Variants in INPP4B observed in about 807,000 individuals in gnomAD.
INPP4B encodes inositol polyphosphate 4-phosphatase type II.
Under a neutral mutation model 122.5 loss-of-function variants are expected in INPP4B, and 55 were observed. The observed-to-expected ratio is 0.45, with a 90% CI of 0.36 to 0.56. The LOEUF (loss-of-function observed/expected upper bound fraction) is 0.56, where lower values mean the gene tolerates loss of function less well. INPP4B is among the 20% of genes least tolerant of loss of function. The pLI, the probability that INPP4B is intolerant of heterozygous loss-of-function variation, is 0.00. For synonymous variants in INPP4B, 403 were observed against 388.7 expected (o/e 1.04, Z -0.43); for missense variants, 1,000 against 1,097.7 (o/e 0.91, Z 1.26).
At chr4:142,536,616 C>A (rs1828224163) in intron 2 of INPP4B, among the ~76,000 whole-genome samples, 1 of 152,092 alleles carries the variant, frequency 6.6e-6, no homozygotes, top group Admixed American at 6.6e-5. Flanking sequence ...TCTCTTCCTG[C>A]ACTTCACCAA....
chr4:142,490,767 C>T (rs930146997), intron 2 of INPP4B, among the ~76,000 whole-genome samples: 15 of 152,066 alleles, frequency 9.9e-5, no homozygotes, highest in Non-Finnish European at 1.9e-4. Flanking sequence ...GCTTTTATGA[C>T]TTTATAACTT....
intron 2 of INPP4B, among the ~76,000 whole-genome samples, chr4:142,523,745 G>T (rs868178996): frequency 1.9e-3 from 278 of 149,702 alleles, no homozygotes; most frequent in Middle Eastern, 6.8e-3. Context: ...CCACGCTGGT[G>T]CGCTGCACCC....
At chr4:142,642,655 G>T (rs1427660260) in intron 2 of INPP4B, among the ~76,000 whole-genome samples, 1 of 152,186 alleles carries the variant, frequency 6.6e-6, no homozygotes, top group East Asian at 1.9e-4. Context: ...GTACCATGCT[G>T]TTTTGGTTAC....
chr4:142,834,970 T>C (rs913258161), intron 1 of INPP4B, among the ~76,000 whole-genome samples: 2 of 152,238 alleles, frequency 1.3e-5, no homozygotes, highest in Non-Finnish European at 2.9e-5. Flanking sequence ...TCACCTGTTT[T>C]CATTTGTTGC....
At chr4:142,061,662 A>T (rs908832099) in intron 25 of INPP4B, among the ~76,000 whole-genome samples, 1 of 151,914 alleles carries the variant, frequency 6.6e-6, no homozygotes, top group South Asian at 2.1e-4. Flanking sequence ...GAATACACAT[A>T]TATCTCAGGA....
intron 2 of INPP4B, among the ~76,000 whole-genome samples, chr4:142,708,878 C>T (rs1232551106): frequency 6.6e-6 from 1 of 152,122 alleles, no homozygotes; most frequent in Non-Finnish European, 1.5e-5. Flanking sequence ...CTACCAACAG[C>T]TTGCACCGTG....
intron 2 of INPP4B, among the ~76,000 whole-genome samples, chr4:142,695,826 C>T (rs1373599882): frequency 6.6e-6 from 1 of 152,104 alleles, no homozygotes; most frequent in Non-Finnish European, 1.5e-5. Flanking sequence ...AAATATTTTA[C>T]CCCAAAATAT....
intron 2 of INPP4B, among the ~76,000 whole-genome samples, chr4:142,544,227 G>A (rs1436966605): frequency 2.6e-5 from 4 of 151,394 alleles, no homozygotes. Flanking sequence ...CCATGACTAA[G>A]AAGCAGAATA....
rs1809249740 is a variant in INPP4B, at chr4:142,431,313, T to C, written c.-54A>G. ...CAAATTTTCTTGTCCAAATGTCAGTTCTAGTGATTCCTGGTTTAATGTAGA... is the reference window on the plus strand; with the variant it reads ...CAAATTTTCTTGTCCAAATGTCAGTCCTAGTGATTCCTGGTTTAATGTAGA... On this transcript the variant is annotated 5_prime_UTR_variant, in exon 4 of 26. Transcript: ENST00000262992. 1.6e-6 allele frequency: 2 copies of C among 1,260,576 alleles called. No individual in the cohort carries two copies. Among genetic ancestry groups the C allele is most frequent in the Non-Finnish European group, 2.3e-6 (2 of 861,674 alleles). 78.1% of individuals were successfully genotyped at this position (1,260,576 alleles called of 1,614,324 possible).
chr4:142,765,911 GC>G (rs758289454), intron 1 of INPP4B: 9 of 151,092 alleles, frequency 6.0e-5, no homozygotes, highest in East Asian at 3.9e-4. Flanking sequence ...CTAACAAGGT[GC>G]TATTTTTTTC....
chr4:142,588,054 A>C (rs1736619478), intron 2 of INPP4B, among the ~76,000 whole-genome samples: 1 of 151,986 alleles, frequency 6.6e-6, no homozygotes, highest in African/African-American at 2.4e-5. Flanking sequence ...ACAGGCAAAA[A>C]TAAGAAAAAC....
At chr4:142,616,145 C>T (rs1743646018) in intron 2 of INPP4B, among the ~76,000 whole-genome samples, 2 of 152,136 alleles carry the variant, frequency 1.3e-5, no homozygotes, top group South Asian at 2.1e-4. Flanking sequence ...GCAGATAAAG[C>T]CCCCCAACCC....
intron 2 of INPP4B, among the ~76,000 whole-genome samples, chr4:142,577,660 T>A (rs1734144427): frequency 6.6e-6 from 1 of 152,040 alleles, no homozygotes; most frequent in Non-Finnish European, 1.5e-5. Flanking sequence ...GTGCTAGCTT[T>A]TCTCATATGT....
At chr4:142,439,355 C>A (rs1245965289) in intron 3 of INPP4B, among the ~76,000 whole-genome samples, 1 of 152,104 alleles carries the variant, frequency 6.6e-6, no homozygotes, top group Non-Finnish European at 1.5e-5. Context: ...GAAGATTCTC[C>A]CACCCTGCTC....
chr4:142,599,641 A>G (rs1257712156), intron 2 of INPP4B, among the ~76,000 whole-genome samples: 7 of 151,984 alleles, frequency 4.6e-5, no homozygotes, highest in Admixed American at 2.6e-4. Flanking sequence ...AAATAATAAC[A>G]CCTCCAAAGG....
intron 2 of INPP4B, among the ~76,000 whole-genome samples, chr4:142,688,356 T>C (rs1033860497): frequency 6.6e-6 from 1 of 152,104 alleles, no homozygotes; most frequent in African/African-American, 2.4e-5. Context: ...AAATACACCA[T>C]GAGTGATTTT....
chr4:142,411,899 A>G (rs571988193), intron 5 of INPP4B, among the ~76,000 whole-genome samples: 14 of 152,214 alleles, frequency 9.2e-5, no homozygotes, highest in African/African-American at 3.4e-4. Context: ...CTCAAAAACA[A>G]AACAAAAAAA....
chr4:142,119,389 A>T (rs1795417139), intron 21 of INPP4B, among the ~76,000 whole-genome samples: 1 of 152,156 alleles, frequency 6.6e-6, no homozygotes, highest in Non-Finnish European at 1.5e-5. Context: ...AAGACTTGGA[A>T]CCAACCCAAA....
intron 2 of INPP4B, among the ~76,000 whole-genome samples, chr4:142,590,934 A>AATAGATAATT (rs567750639): frequency 5.9e-4 from 89 of 151,688 alleles, no homozygotes; most frequent in Non-Finnish European, 1.1e-3. Flanking sequence ...GAAATAGATG[A>AATAGATAATT]ATAGATAATT....
Sources: allele counts gnomAD v4.1 joint callset (sites outside exome capture counted in the v4.1 genomes callset), GRCh38; gene constraint gnomAD v4.1.1; transcripts MANE v1.5; gene names NCBI Gene and HGNC (gene_info 2026-07-23, HGNC 2026-07-21).